The following MAML3 variants were observed in gnomAD, a reference collection of about 807,000 sequenced individuals.
MAML3 encodes the protein mastermind like transcriptional coactivator 3.
A neutral mutation model predicts 101.9 loss-of-function variants in MAML3; 27 were observed. The ratio of observed to expected loss-of-function variants is 0.27; its 90% CI spans 0.20 to 0.37. The LOEUF (loss-of-function observed/expected upper bound fraction) is 0.37. MAML3 is among the 10% of genes least tolerant of loss of function. The probability of loss-of-function intolerance (pLI) is 1.00; values close to 1 mark genes in which losing one functional copy is unlikely to be tolerated. For missense variants in MAML3, 1,316 were observed against 1,444.9 expected (o/e 0.91, Z 1.45); for synonymous variants, 501 against 555.9 (o/e 0.90, Z 1.39).
chr4:139,762,410 C>T (rs969298367), intron 2 of MAML3, among the ~76,000 whole-genome samples: 12 of 152,132 alleles, frequency 7.9e-5, no homozygotes, highest in Admixed American at 2.6e-4. Context: ...CATTCATTTG[C>T]ATTTCTTTTT....
At chr4:139,980,696 T>C (rs1046602398) in intron 1 of MAML3, among the ~76,000 whole-genome samples, 8 of 152,220 alleles carry the variant, frequency 5.3e-5, no homozygotes, top group African/African-American at 1.9e-4. Context: ...TAGTCAGCAC[T>C]GATGGTGGCA....
intron 2 of MAML3, among the ~76,000 whole-genome samples, chr4:139,795,398 A>C (rs1730495428): frequency 6.6e-6 from 1 of 152,236 alleles, no homozygotes; most frequent in Non-Finnish European, 1.5e-5. Context: ...TGTGCCATGC[A>C]TATTATACAC....
intron 1 of MAML3, among the ~76,000 whole-genome samples, chr4:140,091,128 GA>G (rs1728038739): frequency 6.6e-6 from 1 of 152,014 alleles, no homozygotes; most frequent in Non-Finnish European, 1.5e-5. Context: ...TTCTAATTAG[GA>G]AAAGCCAGCA....
intron 1 of MAML3, among the ~76,000 whole-genome samples, chr4:140,122,251 C>T (rs1030417235): frequency 2.9e-4 from 34 of 117,976 alleles, no homozygotes; most frequent in African/African-American, 7.9e-4. Context: ...AACAGAGTTT[C>T]GCTTTTGTCC....
chr4:139,732,545 G>C (rs1283756888), intron 2 of MAML3, among the ~76,000 whole-genome samples: 4 of 151,396 alleles, frequency 2.6e-5, no homozygotes, highest in African/African-American at 9.7e-5. Flanking sequence ...TCAATGAATG[G>C]AAGACACAGA....
At chr4:140,000,766 G>A (rs1317740485) in intron 1 of MAML3, among the ~76,000 whole-genome samples, 3 of 152,162 alleles carry the variant, frequency 2.0e-5, no homozygotes, top group African/African-American at 4.8e-5. Flanking sequence ...GGTGGCTCAC[G>A]CTTGTAATCC....
intron 1 of MAML3, among the ~76,000 whole-genome samples, chr4:139,922,031 TGG>T (rs753798854): frequency 7.2e-5 from 11 of 152,074 alleles, no homozygotes; most frequent in Admixed American, 2.6e-4. Context: ...CAGCATCACG[TGG>T]AGGACACAAG....
intron 2 of MAML3, among the ~76,000 whole-genome samples, chr4:139,774,807 A>G (rs1730061637): frequency 6.6e-6 from 1 of 152,240 alleles, no homozygotes; most frequent in South Asian, 2.1e-4. Flanking sequence ...TTGAACTGCT[A>G]TATGATATCT....
intron 1 of MAML3, among the ~76,000 whole-genome samples, chr4:139,940,968 A>T (rs1302832579): frequency 2.0e-5 from 3 of 152,242 alleles, no homozygotes; most frequent in African/African-American, 7.2e-5. Flanking sequence ...TGTTAAATAT[A>T]GATCACAAGT....
rs550775818 is a variant in MAML3, at chr4:140,084,544, A to G, written c.468+68316T>C. 3.3e-5 allele frequency among the ~76,000 whole-genome samples: 5 copies of G among 152,094 alleles called. No individual in the cohort carries two copies. The East Asian group carries it at 9.7e-4, about 29-fold the overall frequency. ...GGTTTATTTATTCCTAAATTCTTCA[A>G]CTTCCTGTATCTGAGTATTTATGTC... On this transcript the variant is annotated intron_variant, in intron 1 of 4. Transcript: ENST00000509479.
intron 1 of MAML3, among the ~76,000 whole-genome samples, chr4:139,949,248 C>T (rs1236545582): frequency 1.3e-5 from 2 of 152,078 alleles, no homozygotes; most frequent in Admixed American, 6.5e-5. Context: ...GTATCTTGAC[C>T]TCGTGATCCG....
intron 2 of MAML3, among the ~76,000 whole-genome samples, chr4:139,839,890 G>A (rs1366121279): frequency 6.6e-6 from 1 of 152,142 alleles, no homozygotes; most frequent in African/African-American, 2.4e-5. Context: ...GCAGCTGCTG[G>A]TGGCCAGCAG....
chr4:139,965,483 C>A (rs765307466), intron 1 of MAML3, among the ~76,000 whole-genome samples: 3 of 152,088 alleles, frequency 2.0e-5, no homozygotes, highest in Non-Finnish European at 4.4e-5. Context: ...TTGAGAATGG[C>A]AGCTTAATAT....
At chr4:140,134,050 G>A (rs1286348558) in intron 1 of MAML3, 7 of 450,860 alleles carry the variant, frequency 1.6e-5, no homozygotes, top group Non-Finnish European at 2.7e-5. Context: ...TCCCTCCAGG[G>A]AGGTTGTGAC....
At chr4:139,888,516 A>G (rs1732385179) in intron 2 of MAML3, 1 of 518,742 alleles carries the variant, frequency 1.9e-6, no homozygotes, top group African/African-American at 1.9e-5. Flanking sequence ...TGTTATATTA[A>G]AGGAGCTTTG....
At chr4:140,024,285 TG>T (rs1726785417) in intron 1 of MAML3, among the ~76,000 whole-genome samples, 1 of 151,488 alleles carries the variant, frequency 6.6e-6, no homozygotes, top group East Asian at 1.9e-4. Context: ...TGGAGTGCAG[TG>T]GTGCTATCAC....
chr4:140,009,855 A>C (rs1726518549), intron 1 of MAML3, among the ~76,000 whole-genome samples: 1 of 152,202 alleles, frequency 6.6e-6, no homozygotes. Flanking sequence ...GTTCAAGCTA[A>C]ACTCATTTGG....
At chr4:139,828,733 A>T (rs73854380) in intron 2 of MAML3, among the ~76,000 whole-genome samples, 2,716 of 86,782 alleles carry the variant, frequency 0.031, 75 homozygotes, top group African/African-American at 0.1. Context: ...TTTTTTTTTT[A>T]AAAACATAGT....
intron 2 of MAML3, among the ~76,000 whole-genome samples, chr4:139,732,993 G>A (rs1470073692): frequency 2.0e-5 from 3 of 152,190 alleles, no homozygotes; most frequent in Admixed American, 2.0e-4. Flanking sequence ...CTACCAAAAA[G>A]TTTACTTCAG....
Sources: gnomAD v4.1 joint callset for allele counts (sites outside exome capture counted in the v4.1 genomes callset) on GRCh38, gnomAD v4.1.1 for gene constraint, MANE v1.5 for transcripts, NCBI Gene and HGNC (gene_info 2026-07-23, HGNC 2026-07-21) for gene names.